The following RHAG variants were observed in gnomAD, a reference collection of about 807,000 sequenced individuals.
RHAG encodes Rh associated glycoprotein, also known as ammonium transporter Rh type A.
A neutral mutation model predicts 42.4 loss-of-function variants in RHAG; 25 were observed. The observed-to-expected ratio is 0.59, with a 90% confidence interval of 0.43 to 0.82. RHAG has a LOEUF of 0.82. RHAG is among the 40% of genes least tolerant of loss of function. The pLI is 0.00. For missense variants in RHAG, 483 were observed against 504.6 expected, an observed-to-expected ratio of 0.96 and a Z score of 0.41; for synonymous variants, 182 against 177.7, an observed-to-expected ratio of 1.02 and a Z score of -0.19.
At chr6:49,619,132 T>C (rs1402303391) in intron 2 of RHAG, 47 bp downstream of exon 2, 4 of 1,598,046 alleles carry the variant, frequency 2.5e-6, no homozygotes, top group African/African-American at 1.3e-5. Flanking sequence ...GTGTAATATA[T>C]GAATTCTGGA....
At chr6:49,612,880 G>A (rs941618414) in intron 5 of RHAG, among the ~76,000 whole-genome samples, 11 of 152,042 alleles carry the variant, frequency 7.2e-5, no homozygotes, top group Admixed American at 4.6e-4. Flanking sequence ...TGCAGTTTTC[G>A]GAACACATTT....
intron 3 of RHAG, among the ~76,000 whole-genome samples, chr6:49,617,613 G>A (rs1762676215): frequency 6.6e-6 from 1 of 152,112 alleles, no homozygotes; most frequent in Non-Finnish European, 1.5e-5. Flanking sequence ...TATTCCTGGG[G>A]GGAATCAATG....
chr6:49,629,962 G>T (rs1421551002), intron 1 of RHAG, among the ~76,000 whole-genome samples: 4 of 152,192 alleles, frequency 2.6e-5, no homozygotes, highest in African/African-American at 9.6e-5. Flanking sequence ...GAGGGAGTGG[G>T]CTCAGGCCTT....
chr6:49,635,312 C>A (rs1762994656), intron 1 of RHAG, among the ~76,000 whole-genome samples: 1 of 151,970 alleles, frequency 6.6e-6, no homozygotes, highest in South Asian at 2.1e-4. Context: ...TCATATTAAT[C>A]TTAGATCATA....
At chr6:49,610,211 A>T (rs901834565) in intron 7 of RHAG, among the ~76,000 whole-genome samples, 3 of 152,184 alleles carry the variant, frequency 2.0e-5, no homozygotes, top group African/African-American at 7.2e-5. Context: ...CATTCTGCAC[A>T]TGTATCCAGA....
intron 1 of RHAG, among the ~76,000 whole-genome samples, chr6:49,621,697 T>A (rs1036832939): frequency 6.6e-6 from 1 of 152,222 alleles, no homozygotes; most frequent in Non-Finnish European, 1.5e-5. Flanking sequence ...AAAAATTTGA[T>A]CTAGATCATA....
chr6:49,607,068 G>A, intron 8 of RHAG, 82 bp downstream of exon 8: 3 of 1,327,614 alleles, frequency 2.3e-6, no homozygotes, highest in Non-Finnish European at 3.2e-6. Flanking sequence ...TTTGAATTTA[G>A]CAATTGACTT....
chr6:49,620,711 T>C (rs866603533), intron 1 of RHAG, among the ~76,000 whole-genome samples: 36 of 152,224 alleles, frequency 2.4e-4, no homozygotes, highest in Middle Eastern at 3.4e-3. Flanking sequence ...TTTGTATTTT[T>C]GTAGAGATGA....
rs769796373 is a variant in RHAG at position 49,618,174 on chromosome 6, A to G, written c.386T>C (p.Phe129Ser). ...GCTCGTTTTTCCCAGGACAGCTCCAAAAGATATCAGAACTGTGGCTGCACT... is the reference window on the plus strand; with the variant it reads ...GCTCGTTTTTCCCAGGACAGCTCCAGAAGATATCAGAACTGTGGCTGCACT... ...DFSAATVLISFGAVLGKTSPT... is the reference protein window; with the variant it reads ...DFSAATVLISSGAVLGKTSPT... Residue 129 changes from phenylalanine (F) to serine (S), a missense_variant, in exon 3 of 10, where the codon TTT (phenylalanine) becomes TCT (serine). By Grantham distance (155) the Phe-to-Ser change is radical (BLOSUM62 -2). Transcript: ENST00000371175. 8 of 1,614,094 alleles carry G rather than the reference A, an allele frequency of 5.0e-6. No homozygotes were observed. Among genetic ancestry groups the G allele is most frequent in the Admixed American group, 3.3e-5 (2 of 60,010 alleles).
chr6:49,611,796 T>G (rs1348047885), intron 6 of RHAG, among the ~76,000 whole-genome samples: 1 of 150,620 alleles, frequency 6.6e-6, no homozygotes, highest in East Asian at 2.0e-4. Context: ...GGCTGGAGGG[T>G]AATGGTGCCA....
rs16879544 is a variant in RHAG at position 49,619,660 on chromosome 6, A to C, written c.158-298T>G. The stretch of plus-strand genomic sequence containing the variant: ...TACATTGTTTTCCACCTGAGGACAG[A>C]CTTACAAAGCACAGAGCAAGCATCA... On this transcript the variant is annotated intron_variant, in intron 1 of 9. Transcript: ENST00000371175. Among the ~76,000 whole-genome samples, 7,578 of 152,306 alleles carry C rather than the reference A, an allele frequency of 0.05. 279 individuals are homozygous for C. The highest frequency in any genetic ancestry group is 0.11 in the South Asian group (514 of 4,826).
chr6:49,619,954 C>T (rs1422141313), intron 1 of RHAG, among the ~76,000 whole-genome samples: 1 of 152,194 alleles, frequency 6.6e-6, no homozygotes, highest in African/African-American at 2.4e-5. Flanking sequence ...TAGTACGTTT[C>T]TTTGATGGAT....
chr6:49,616,392 C>T (rs1245310183), intron 3 of RHAG, among the ~76,000 whole-genome samples: 1 of 141,072 alleles, frequency 7.1e-6, no homozygotes, highest in East Asian at 2.1e-4. Context: ...GCTTGCGATA[C>T]AAAATGAAGA....
chr6:49,608,475 T>A (rs1581935973), intron 7 of RHAG, among the ~76,000 whole-genome samples: 1 of 97,406 alleles, frequency 1.0e-5, no homozygotes, highest in Admixed American at 1.1e-4. Flanking sequence ...CTCCCCGCGT[T>A]CAAGCAATTC....
chr6:49,618,356 T>G (rs937595191), intron 2 of RHAG, 138 bp from the exon 3 acceptor site: 3 of 837,122 alleles, frequency 3.6e-6, no homozygotes, highest in Non-Finnish European at 5.9e-6. Context: ...ATTCCTCCTC[T>G]TTTTGACCAG....
At position 49,612,399 on chromosome 6, in the gene RHAG, T is replaced by C. The variant is rs1239397497; in HGVS notation, c.943A>G (p.Thr315Ala). ...MVSVLGYKFL[T>A]PLFTTKLRIH... ...CTCAGAACATCTGCTGTACTTACAG[T>C]CAGGAACTTGTATCCAAGCACAGAG... Residue 315 changes from threonine (T) to alanine (A), a missense_variant and splice_region_variant, in exon 6 of 10, where the codon ACT becomes GCT. Coordinates refer to ENST00000371175, the MANE Select transcript of RHAG (RefSeq NM_000324.3). The C allele has an allele frequency of 3.1e-6, 5 of 1,614,028 alleles. No individual in the cohort carries two copies. Among genetic ancestry groups the C allele is most frequent in the Non-Finnish European group, 4.2e-6 (5 of 1,179,994 alleles).
intron 7 of RHAG, among the ~76,000 whole-genome samples, chr6:49,608,360 G>A (rs1386453354): frequency 6.6e-6 from 1 of 152,146 alleles, no homozygotes; most frequent in Admixed American, 6.6e-5. Flanking sequence ...ATCTAGAAAT[G>A]AGAATATTAG....
At chr6:49,619,949 C>G (rs1004753491) in intron 1 of RHAG, among the ~76,000 whole-genome samples, 3 of 152,116 alleles carry the variant, frequency 2.0e-5, no homozygotes, top group African/African-American at 7.2e-5. Flanking sequence ...AGAAGTAGTA[C>G]GTTTCTTTGA....
intron 1 of RHAG, among the ~76,000 whole-genome samples, chr6:49,627,706 C>T (rs1269486612): frequency 6.6e-6 from 1 of 152,168 alleles, no homozygotes; most frequent in East Asian, 1.9e-4. Context: ...GGAGGCCTCA[C>T]AATCGTGGTG....
Sources: allele counts gnomAD v4.1 joint callset (sites outside exome capture counted in the v4.1 genomes callset), GRCh38; gene constraint gnomAD v4.1.1; transcripts MANE v1.5; gene names NCBI Gene and HGNC (gene_info 2026-07-23, HGNC 2026-07-21).